Variants in ZNF385B observed in about 807,000 individuals in gnomAD.
The protein encoded by ZNF385B is zinc finger protein 533.
In ZNF385B, 23 loss-of-function variants were observed where a neutral mutation model predicts 39.2. That is an observed-to-expected ratio of 0.59 (90% CI 0.42 to 0.83). The LOEUF (loss-of-function observed/expected upper bound fraction) is 0.83. ZNF385B is among the 40% of genes least tolerant of loss of function. The pLI, the probability that ZNF385B is intolerant of heterozygous loss-of-function variation, is 0.00. For synonymous variants in ZNF385B, 205 were observed against 222.6 expected, an observed-to-expected ratio of 0.92 and a Z score of 0.70; for missense variants, 552 against 598.9, an observed-to-expected ratio of 0.92 and a Z score of 0.82.
intron 3 of ZNF385B, among the ~76,000 whole-genome samples, chr2:179,729,952 T>C (rs1324340151): frequency 4.6e-5 from 7 of 152,214 alleles, no homozygotes; most frequent in Admixed American, 2.0e-4. Context: ...CATCTGGAAC[T>C]GTGAGTCAAT....
intron 3 of ZNF385B, among the ~76,000 whole-genome samples, chr2:179,557,907 T>C (rs11688895): frequency 0.071 from 10,789 of 152,114 alleles, 472 homozygotes; most frequent in Middle Eastern, 0.2. Context: ...GTATAATGCC[T>C]CATTTTAATA....
chr2:179,853,015 T>C (rs1251057447), intron 1 of ZNF385B, among the ~76,000 whole-genome samples: 4 of 152,228 alleles, frequency 2.6e-5, no homozygotes, highest in African/African-American at 7.2e-5. Flanking sequence ...AAAGTTAGAT[T>C]GACCCTTAAG....
chr2:179,473,436 G>T (rs1390201660), intron 6 of ZNF385B, among the ~76,000 whole-genome samples: 3 of 152,086 alleles, frequency 2.0e-5, no homozygotes, highest in African/African-American at 7.2e-5. Flanking sequence ...GAGTGTCTGT[G>T]GCATGACAGG....
chr2:179,756,014 T>C (rs1269970781), intron 3 of ZNF385B, among the ~76,000 whole-genome samples: 1 of 152,212 alleles, frequency 6.6e-6, no homozygotes, highest in African/African-American at 2.4e-5. Flanking sequence ...GTTGATGCAG[T>C]TTCTTCCCAG....
intron 3 of ZNF385B, among the ~76,000 whole-genome samples, chr2:179,572,657 A>G (rs375357756): frequency 3.3e-5 from 5 of 152,184 alleles, no homozygotes; most frequent in Middle Eastern, 3.2e-3. Context: ...GGAAGGGCCT[A>G]TCATGGAGAA....
Position 179,721,013 on chromosome 2 carries a change from C to CT in ZNF385B, c.298+48489_298+48490insA, listed in dbSNP as rs1318372084. ...CAAACACCTAGCCTTAAGTGATCCCCCCACTTCAGCCTCCCAAAGCACTGG... is the reference window on the plus strand; with the variant it reads ...CAAACACCTAGCCTTAAGTGATCCCCTCCACTTCAGCCTCCCAAAGCACTGG... On this transcript the variant is annotated intron_variant, in intron 3 of 9. Coordinates refer to ENST00000410066, the MANE Select transcript of ZNF385B (RefSeq NM_152520.6). 1.2e-3 allele frequency among the ~76,000 whole-genome samples: 174 copies of CT among 151,002 alleles called. 1 individual carries two copies. The highest frequency in any genetic ancestry group is 2.1e-3 in the Non-Finnish European group (142 of 67,746).
chr2:179,833,442 T>C (rs1445761303), intron 1 of ZNF385B, among the ~76,000 whole-genome samples: 2 of 152,148 alleles, frequency 1.3e-5, no homozygotes, highest in Non-Finnish European at 2.9e-5. Flanking sequence ...CAGATATAAA[T>C]TTAAAAGATT....
chr2:179,621,325 T>G (rs772036090), intron 3 of ZNF385B, among the ~76,000 whole-genome samples: 16 of 152,160 alleles, frequency 1.1e-4, no homozygotes, highest in Non-Finnish European at 1.9e-4. Flanking sequence ...GTCTAGGTCT[T>G]TATAAATTTT....
intron 3 of ZNF385B, among the ~76,000 whole-genome samples, chr2:179,673,404 T>G (rs1442559408): frequency 6.6e-6 from 1 of 152,064 alleles, no homozygotes; most frequent in African/African-American, 2.4e-5. Flanking sequence ...AGTTATAAAG[T>G]ATAGTATACA....
At chr2:179,679,401 G>A (rs1467782084) in intron 3 of ZNF385B, among the ~76,000 whole-genome samples, 1 of 152,088 alleles carries the variant, frequency 6.6e-6, no homozygotes, top group Non-Finnish European at 1.5e-5. Flanking sequence ...TCAAGCAACT[G>A]AAAAATACTT....
At chr2:179,747,664 T>C (rs1454161396) in intron 3 of ZNF385B, among the ~76,000 whole-genome samples, 1 of 152,096 alleles carries the variant, frequency 6.6e-6, no homozygotes, top group Admixed American at 6.6e-5. Context: ...AGTTTAAAAT[T>C]AAACCAGGAT....
In ZNF385B at chr2:179,547,072, G is replaced by T. The variant is rs750365972; in HGVS notation, c.299-2103C>A. On this transcript the variant is annotated intron_variant, in intron 3 of 9. Coordinates refer to ENST00000410066, the MANE Select transcript of ZNF385B (RefSeq NM_152520.6). ...GATCTTTTGCCCATTTTTTATTCAG[G>T]TTTTTAAAATAGACTTGTTTGAGCT... is the stretch of plus-strand genomic sequence containing the variant. Among the ~76,000 whole-genome samples, 4 of 149,144 alleles carry T rather than the reference G, an allele frequency of 2.7e-5. 1 individual carries two copies. Among genetic ancestry groups the T allele is most frequent in the African/African-American group, 1.0e-4 (4 of 39,632 alleles).
At chr2:179,488,348 G>T (rs1448496914) in intron 5 of ZNF385B, among the ~76,000 whole-genome samples, 1 of 152,142 alleles carries the variant, frequency 6.6e-6, no homozygotes, top group African/African-American at 2.4e-5. Flanking sequence ...GTTTCACCCT[G>T]TTGGCCAGGC....
In ZNF385B at chr2:179,622,711, T is replaced by A. The variant is rs565156077; in HGVS notation, c.299-77742A>T. Among the ~76,000 whole-genome samples, 47 of 152,332 alleles carry A rather than the reference T, an allele frequency of 3.1e-4. 1 individual carries two copies. Among genetic ancestry groups the A allele is most frequent in the African/African-American group, 1.1e-3 (47 of 41,574 alleles). On this transcript the variant is annotated intron_variant, in intron 3 of 9. Transcript: ENST00000410066. ...GATAATCTTTCCATGTCTCCACTTG[T>A]ACAACTATCACATTGGAGTGTGGTC... is the stretch of plus-strand genomic sequence containing the variant.
chr2:179,508,016 G>A (rs896655266), intron 5 of ZNF385B, among the ~76,000 whole-genome samples: 2 of 152,100 alleles, frequency 1.3e-5, no homozygotes, highest in Non-Finnish European at 2.9e-5. Flanking sequence ...GTAGCTAAAG[G>A]GTACCTCTTC....
chr2:179,839,198 A>G (rs969300012), intron 1 of ZNF385B, among the ~76,000 whole-genome samples: 3 of 152,208 alleles, frequency 2.0e-5, no homozygotes, highest in African/African-American at 7.2e-5. Context: ...ATTAAAAACC[A>G]GCTACAAAAG....
At chr2:179,739,349 G>A (rs1357601592) in intron 3 of ZNF385B, among the ~76,000 whole-genome samples, 1 of 152,146 alleles carries the variant, frequency 6.6e-6, no homozygotes, top group Non-Finnish European at 1.5e-5. Context: ...GAGGTACCTC[G>A]GGGTTTATCG....
At chr2:179,682,697 T>C (rs535117517) in intron 3 of ZNF385B, among the ~76,000 whole-genome samples, 3 of 152,172 alleles carry the variant, frequency 2.0e-5, no homozygotes, top group Non-Finnish European at 4.4e-5. Context: ...CCTCCGAGGA[T>C]TGGGGTCTCC....
intron 3 of ZNF385B, among the ~76,000 whole-genome samples, chr2:179,587,688 C>T (rs1399806848): frequency 7.6e-6 from 1 of 132,242 alleles, no homozygotes; most frequent in Non-Finnish European, 1.7e-5. Flanking sequence ...AAAGCTGAAG[C>T]TCTAAGTAAA....
Sources: gnomAD v4.1 joint callset for allele counts (sites outside exome capture counted in the v4.1 genomes callset) on GRCh38, gnomAD v4.1.1 for gene constraint, MANE v1.5 for transcripts, NCBI Gene and HGNC (gene_info 2026-07-23, HGNC 2026-07-21) for gene names.